The following LRRTM4 variants were observed in gnomAD, a reference collection of about 807,000 sequenced individuals.
LRRTM4 encodes the protein leucine rich repeat transmembrane neuronal 4.
LRRTM4 carries 25 observed loss-of-function variants against 47.6 expected under a neutral mutation model. The observed-to-expected ratio is 0.53, with a 90% confidence interval of 0.38 to 0.73. The LOEUF (loss-of-function observed/expected upper bound fraction) is 0.73, where lower values mean the gene tolerates loss of function less well. LRRTM4 is among the 30% of genes least tolerant of loss of function. The pLI is 0.00. For synonymous variants in LRRTM4, 311 were observed against 269.5 expected (o/e 1.15, Z -1.51); for missense variants, 638 against 713.4 (o/e 0.89, Z 1.20).
rs1288992945 is a variant in LRRTM4 at position 77,522,304 on chromosome 2, A to C, written c.-343T>G. ...CTGTGCTGGGAGGCAGCCCTTGTCT[A>C]ATTCAGAAGGCTTTCCAGAGACTGA... On this transcript the variant is annotated 5_prime_UTR_variant, in exon 1 of 4. It adds an upstream start codon to the 5' untranslated region. Transcript: ENST00000409884. 3.7e-6 allele frequency: 2 copies of C among 533,340 alleles called. No homozygotes were observed. Among genetic ancestry groups the C allele is most frequent in the African/African-American group, 3.9e-5 (2 of 51,744 alleles). The allele number at this position is 533,340 out of a possible 1,614,324, so 33.0% of individuals were successfully genotyped here. A position where few individuals can be genotyped will look rare whatever the true frequency, so the allele number is the denominator to read the frequency against.
intron 3 of LRRTM4, among the ~76,000 whole-genome samples, chr2:76,768,346 A>T (rs141911263): frequency 3.9e-5 from 6 of 152,180 alleles, no homozygotes; most frequent in Non-Finnish European, 7.4e-5. Context: ...TAGTCTGGCC[A>T]ACACTGTGAT....
At chr2:76,790,816 A>G (rs959369375) in intron 3 of LRRTM4, among the ~76,000 whole-genome samples, 1 of 152,126 alleles carries the variant, frequency 6.6e-6, no homozygotes, top group South Asian at 2.1e-4. Flanking sequence ...CATAGAAACA[A>G]TCTAATATCA....
At chr2:76,970,355 T>C (rs541796467) in intron 3 of LRRTM4, among the ~76,000 whole-genome samples, 1 of 152,098 alleles carries the variant, frequency 6.6e-6, no homozygotes, top group South Asian at 2.1e-4. Context: ...TCCCCTGGCA[T>C]CCATGGCAAC....
chr2:77,105,535 GC>G lies in LRRTM4; in HGVS notation c.1552-356620del, dbSNP rs1289592651. Among the ~76,000 whole-genome samples the G allele has an allele frequency of 2.0e-5, 3 of 151,144 alleles. No homozygotes were observed. The East Asian group carries it at 5.9e-4, about 30-fold the overall frequency. On this transcript the variant is annotated intron_variant, in intron 3 of 3. Transcript: ENST00000409884. The stretch of plus-strand genomic sequence containing the variant: ...GGGGTGGGGGGAGGGGGGAGGGATA[GC>G]ATTTGGAGATATACCTAATGTTAAA...
chr2:76,769,708 G>A (rs540176419), intron 3 of LRRTM4, among the ~76,000 whole-genome samples: 1 of 152,040 alleles, frequency 6.6e-6, no homozygotes, highest in South Asian at 2.1e-4. Flanking sequence ...CATTTTAACA[G>A]GACCCCCCAG....
chr2:77,083,816 T>G (rs1442140737), intron 3 of LRRTM4, among the ~76,000 whole-genome samples: 4 of 106,630 alleles, frequency 3.8e-5, no homozygotes, highest in South Asian at 7.2e-4. Context: ...TTTTTTTTTT[T>G]TTTTTTCAGA....
chr2:76,903,365 T>C (rs187586599), intron 3 of LRRTM4, among the ~76,000 whole-genome samples: 2,020 of 152,092 alleles, frequency 0.013, 45 homozygotes, highest in African/African-American at 0.047. Flanking sequence ...TGAAACCCCA[T>C]CTCTACTAAA....
intron 3 of LRRTM4, among the ~76,000 whole-genome samples, chr2:77,456,403 C>G (rs958660572): frequency 2.6e-5 from 4 of 152,088 alleles, no homozygotes; most frequent in African/African-American, 9.7e-5. Context: ...AATTTGCATT[C>G]TCAAACTAAA....
chr2:77,002,096 C>G (rs571478245), intron 3 of LRRTM4, among the ~76,000 whole-genome samples: 1 of 152,232 alleles, frequency 6.6e-6, no homozygotes, highest in East Asian at 1.9e-4. Context: ...GATGACTTTG[C>G]AAATCTTCAA....
At chr2:77,392,514 G>T (rs1673544021) in intron 3 of LRRTM4, among the ~76,000 whole-genome samples, 1 of 151,986 alleles carries the variant, frequency 6.6e-6, no homozygotes, top group Non-Finnish European at 1.5e-5. Flanking sequence ...ATACACAATG[G>T]AATATAATTT....
intron 3 of LRRTM4, among the ~76,000 whole-genome samples, chr2:77,106,975 A>C (rs1671109800): frequency 6.6e-6 from 1 of 152,100 alleles, no homozygotes; most frequent in African/African-American, 2.4e-5. Context: ...ACTATATGTA[A>C]GAAAATTAAT....
intron 3 of LRRTM4, among the ~76,000 whole-genome samples, chr2:77,477,901 GA>G (rs72353244): frequency 1.4e-5 from 1 of 71,062 alleles, no homozygotes; most frequent in South Asian, 5.0e-4. Context: ...GAAAAAGAAA[GA>G]AAAAGAAAGA....
chr2:77,251,200 C>T (rs1219811611), intron 3 of LRRTM4, among the ~76,000 whole-genome samples: 3 of 32,776 alleles, frequency 9.2e-5, no homozygotes, highest in Admixed American at 7.4e-4. Context: ...CACACACACA[C>T]ATATATATGT....
intron 3 of LRRTM4, among the ~76,000 whole-genome samples, chr2:77,098,250 C>T (rs1346406492): frequency 1.3e-5 from 2 of 151,952 alleles, no homozygotes; most frequent in African/African-American, 2.4e-5. Flanking sequence ...AGAACTTATC[C>T]TGTCTCATCA....
At chr2:77,379,813 T>C (rs992612638) in intron 3 of LRRTM4, among the ~76,000 whole-genome samples, 4 of 152,144 alleles carry the variant, frequency 2.6e-5, no homozygotes, top group Non-Finnish European at 5.9e-5. Context: ...ATAATTTCAG[T>C]ATTTTCTGAT....
At chr2:76,979,181 T>TA (rs1294457440) in intron 3 of LRRTM4, among the ~76,000 whole-genome samples, 2 of 152,028 alleles carry the variant, frequency 1.3e-5, no homozygotes, top group African/African-American at 2.4e-5. Flanking sequence ...ATATCAGGCA[T>TA]TTCTTGGGGA....
chr2:77,103,592 G>A (rs62172169), intron 3 of LRRTM4, among the ~76,000 whole-genome samples: 4,320 of 149,786 alleles, frequency 0.029, 85 homozygotes, highest in Non-Finnish European at 0.042. Flanking sequence ...AAAATTGCAT[G>A]TTGTTTTTAG....
intron 3 of LRRTM4, among the ~76,000 whole-genome samples, chr2:77,449,319 A>T (rs539041511): frequency 2.0e-5 from 3 of 152,144 alleles, no homozygotes; most frequent in Non-Finnish European, 4.4e-5. Context: ...TGGCTGTTTC[A>T]CTTATTAATT....
At chr2:77,437,453 T>C (rs997707020) in intron 3 of LRRTM4, among the ~76,000 whole-genome samples, 2 of 152,098 alleles carry the variant, frequency 1.3e-5, no homozygotes, top group African/African-American at 4.8e-5. Flanking sequence ...TACACCTATG[T>C]TTGAAATGAA....
Sources: allele counts gnomAD v4.1 joint callset (sites outside exome capture counted in the v4.1 genomes callset), GRCh38; gene constraint gnomAD v4.1.1; transcripts MANE v1.5; gene names NCBI Gene and HGNC (gene_info 2026-07-23, HGNC 2026-07-21).